ADGRG6: variants seen among roughly 807,000 people sequenced by gnomAD.
ADGRG6 encodes the protein adhesion G protein-coupled receptor G6.
In ADGRG6, 84 loss-of-function variants were observed where a neutral mutation model predicts 142.4. That is an observed-to-expected ratio of 0.59 (90% CI 0.49 to 0.71). The LOEUF (loss-of-function observed/expected upper bound fraction) is 0.71, where lower values mean the gene tolerates loss of function less well. Among genes scored for constraint, ADGRG6 ranks in the 30% least tolerant of loss-of-function variants. The probability of loss-of-function intolerance (pLI) is 0.00; values close to 1 mark genes in which losing one functional copy is unlikely to be tolerated. For missense variants in ADGRG6, 1,367 were observed against 1,466.6 expected (o/e 0.93, Z 1.11); for synonymous variants, 521 against 520.5 (o/e 1.00, Z -0.01).
At chr6:142,346,848 G>A (rs1349232887) in intron 2 of ADGRG6, among the ~76,000 whole-genome samples, 1 of 149,834 alleles carries the variant, frequency 6.7e-6, no homozygotes, top group Non-Finnish European at 1.5e-5. Flanking sequence ...ACATAGGGAG[G>A]GGAACATCAC....
intron 23 of ADGRG6, among the ~76,000 whole-genome samples, chr6:142,437,808 C>G (rs1470900720): frequency 1.3e-5 from 2 of 151,102 alleles, no homozygotes; most frequent in Admixed American, 6.6e-5. Flanking sequence ...CCCGTATACC[C>G]AGAGGTTCCA....
intron 4 of ADGRG6, among the ~76,000 whole-genome samples, chr6:142,374,075 C>G (rs1781383249): frequency 6.6e-6 from 1 of 151,946 alleles, no homozygotes; most frequent in Non-Finnish European, 1.5e-5. Flanking sequence ...TTGTCTGCCT[C>G]TGTGCTACAA....
At chr6:142,394,014 T>A (rs1775044056) in intron 9 of ADGRG6, 56 bp downstream of exon 9, 8 of 1,079,866 alleles carry the variant, frequency 7.4e-6, no homozygotes, top group Non-Finnish European at 1.1e-5. Flanking sequence ...CTCACTACTT[T>A]ATCTGGTAGA....
chr6:142,327,222 T>C (rs185929266), intron 2 of ADGRG6, among the ~76,000 whole-genome samples: 46 of 151,716 alleles, frequency 3.0e-4, no homozygotes, highest in African/African-American at 1.1e-3. Context: ...AAATGAACCA[T>C]AGATTTAACT....
chr6:142,440,260 A>C (rs1238673200), intron 24 of ADGRG6, among the ~76,000 whole-genome samples: 1 of 152,008 alleles, frequency 6.6e-6, no homozygotes, highest in African/African-American at 2.4e-5. Context: ...TCTGTTCTTC[A>C]TTTTGTTTTA....
At chr6:142,420,455 T>C (rs1327194644) in intron 22 of ADGRG6, among the ~76,000 whole-genome samples, 2 of 152,166 alleles carry the variant, frequency 1.3e-5, no homozygotes, top group African/African-American at 4.8e-5. Context: ...ACAAGTTACC[T>C]TCTTCACAGT....
At chr6:142,375,082 G>T (rs1221108775) in intron 4 of ADGRG6, among the ~76,000 whole-genome samples, 1 of 152,014 alleles carries the variant, frequency 6.6e-6, no homozygotes, top group African/African-American at 2.4e-5. Context: ...ATCCACCCCT[G>T]TGCCCCTGGA....
At chr6:142,321,286 T>TACACACACACACACAC (rs10632214) in intron 2 of ADGRG6, among the ~76,000 whole-genome samples, 100 of 147,880 alleles carry the variant, frequency 6.8e-4, no homozygotes, top group African/African-American at 2.2e-3. Context: ...TAAGCATGCA[T>TACACACACACACACAC]ACACACACAC....
chr6:142,440,007 A>T (rs149167567), intron 24 of ADGRG6, among the ~76,000 whole-genome samples: 1 of 152,186 alleles, frequency 6.6e-6, no homozygotes, highest in Non-Finnish European at 1.5e-5. Flanking sequence ...TCAGTTATTA[A>T]TGAATAGGAA....
At chr6:142,408,960 T>C (rs1259310945) in intron 16 of ADGRG6, among the ~76,000 whole-genome samples, 1 of 152,152 alleles carries the variant, frequency 6.6e-6, no homozygotes, top group Non-Finnish European at 1.5e-5. Flanking sequence ...GACTTCCGTG[T>C]TCAACACTTT....
In ADGRG6 at chr6:142,437,492, G is replaced by A. The variant is rs780279532; in HGVS notation, c.3378G>A (p.Arg1126=). ...AMKENVQKQW[R]QHLCCGRFRL... is the part of the protein sequence containing the mutation. The stretch of plus-strand genomic sequence containing the variant: ...AGGAGAATGTTCAGAAACAGTGGCG[G>A]CAGCATCTCTGCTGTGGTAGATTTC... Residue 1126 remains arginine, a synonymous_variant, in exon 23 of 25, where the codon CGG becomes CGA. Coordinates refer to ENST00000367609, the MANE Select transcript of ADGRG6 (RefSeq NM_198569.3). 2 of 1,586,028 alleles carry A rather than the reference G, an allele frequency of 1.3e-6. No homozygotes were observed. The highest frequency in any genetic ancestry group is 1.1e-5 in the South Asian group (1 of 90,540).
chr6:142,437,134 G>A lies in ADGRG6; in HGVS notation c.3320-300G>A, dbSNP rs557082504. Among the ~76,000 whole-genome samples, 80 of 152,242 alleles carry A rather than the reference G, an allele frequency of 5.3e-4. 1 individual carries two copies. The highest frequency in any genetic ancestry group is 1.9e-3 in the African/African-American group (79 of 41,542). ...ATATGGGAAATACTAAATACTTCTAGAATTGAATGTTGCTTATTTCAGCTT... is the reference window on the plus strand; with the variant it reads ...ATATGGGAAATACTAAATACTTCTAAAATTGAATGTTGCTTATTTCAGCTT... On this transcript the variant is annotated intron_variant, in intron 22 of 24. Coordinates refer to ENST00000367609, the MANE Select transcript of ADGRG6 (RefSeq NM_198569.3).
intron 2 of ADGRG6, among the ~76,000 whole-genome samples, chr6:142,341,895 A>G (rs1458221266): frequency 6.6e-6 from 1 of 151,778 alleles, no homozygotes; most frequent in East Asian, 1.9e-4. Flanking sequence ...AAAAACTTGG[A>G]TCATTCTGAA....
At chr6:142,371,793 G>A (rs945700104) in intron 4 of ADGRG6, among the ~76,000 whole-genome samples, 6 of 152,092 alleles carry the variant, frequency 3.9e-5, no homozygotes, top group Non-Finnish European at 8.8e-5. Context: ...CCCAGTTACT[G>A]TTTTTAATCA....
chr6:142,375,487 C>G (rs1781458687), intron 4 of ADGRG6, among the ~76,000 whole-genome samples: 1 of 152,148 alleles, frequency 6.6e-6, no homozygotes, highest in South Asian at 2.1e-4. Context: ...GTCCAAGTCA[C>G]TCATTAACTG....
chr6:142,414,960 T>G lies in ADGRG6; in HGVS notation c.2542-9T>G. On this transcript the variant is annotated splice_polypyrimidine_tract_variant and intron_variant, in intron 18 of 24. Transcript: ENST00000367609. ...AGTTTCTTACAGCTGCTCGCCATGT[T>G]TTATGTAGGACCTTCCAAGAAGTGC... The G allele has an allele frequency of 6.2e-7, 1 of 1,600,528 alleles. No individual in the cohort carries two copies. Among genetic ancestry groups the G allele is most frequent in the Non-Finnish European group, 8.5e-7 (1 of 1,174,144 alleles).
At position 142,423,822 on chromosome 6, in the gene ADGRG6, T is replaced by C. The variant is rs1346009400; in HGVS notation, c.3319+3718T>C. Among the ~76,000 whole-genome samples the C allele has an allele frequency of 1.0e-2, 1,445 of 144,510 alleles. 20 individuals carry two copies. Among genetic ancestry groups the C allele is most frequent in the African/African-American group, 0.036 (1,362 of 38,348 alleles). 94.8% of individuals were successfully genotyped at this position (144,510 alleles called of 152,430 possible). A position where few individuals can be genotyped will look rare whatever the true frequency, so the allele number is the denominator to read the frequency against. ...CATGAGCATGGAATGTTCTTCCATT[T>C]GTTTGTATCCTCTTTGATTTCATTG... On this transcript the variant is annotated intron_variant, in intron 22 of 24. Transcript: ENST00000367609.
At chr6:142,418,060 C>T (rs368931992) in intron 21 of ADGRG6, among the ~76,000 whole-genome samples, 7 of 152,096 alleles carry the variant, frequency 4.6e-5, no homozygotes, top group East Asian at 1.9e-4. Flanking sequence ...TTTAGGAGGC[C>T]GAGCTGGGTA....
At chr6:142,358,820 C>T (rs571748225) in intron 2 of ADGRG6, among the ~76,000 whole-genome samples, 10 of 151,710 alleles carry the variant, frequency 6.6e-5, no homozygotes, top group Non-Finnish European at 1.5e-4. Flanking sequence ...CAGGAGAATC[C>T]TTTGAACCCA....
Sources: gnomAD v4.1 joint callset for allele counts (sites outside exome capture counted in the v4.1 genomes callset) on GRCh38, gnomAD v4.1.1 for gene constraint, MANE v1.5 for transcripts, NCBI Gene and HGNC (gene_info 2026-07-23, HGNC 2026-07-21) for gene names.